The following JAK1 variants were observed in gnomAD, a reference collection of about 807,000 sequenced individuals.
The protein encoded by JAK1 is Janus kinase 1.
Under a neutral mutation model 136.6 loss-of-function variants are expected in JAK1, and 16 were observed. The ratio of observed to expected loss-of-function variants is 0.12; its 90% CI spans 0.08 to 0.18. The LOEUF (loss-of-function observed/expected upper bound fraction) is 0.18, where lower values mean the gene tolerates loss of function less well. Among genes scored for constraint, JAK1 ranks in the 10% least tolerant of loss-of-function variants. JAK1 has a pLI of 1.00. For synonymous variants in JAK1, 492 were observed against 519.5 expected (o/e 0.95, Z 0.72); for missense variants, 859 against 1,450.1 (o/e 0.59, Z 6.62).
chr1:65,007,606 G>A (rs756589552), intron 2 of JAK1, among the ~76,000 whole-genome samples: 9 of 152,006 alleles, frequency 5.9e-5, no homozygotes, highest in African/African-American at 1.7e-4. Context: ...GACTACAGGC[G>A]CATGCCACCA....
intron 2 of JAK1, among the ~76,000 whole-genome samples, chr1:64,996,958 A>C (rs1646709366): frequency 6.6e-6 from 1 of 152,236 alleles, no homozygotes; most frequent in South Asian, 2.1e-4. Context: ...TAGAGGAAAT[A>C]TGTATATTTC....
intron 2 of JAK1, chr1:64,991,154 C>A (rs1646653606): frequency 1.3e-5 from 2 of 152,002 alleles, no homozygotes; most frequent in Admixed American, 1.3e-4. Context: ...TGAAAAGGAA[C>A]CAAACAGAAG....
intron 1 of JAK1, among the ~76,000 whole-genome samples, chr1:64,898,073 A>C (rs540062022): frequency 6.6e-6 from 1 of 152,318 alleles, no homozygotes; most frequent in Non-Finnish European, 1.5e-5. Flanking sequence ...CACACATACA[A>C]AAAGGAAACT....
intron 11 of JAK1, 100 bp from the exon 12 acceptor site, chr1:64,851,010 C>T (rs900976939): frequency 2.2e-5 from 17 of 762,246 alleles, no homozygotes; most frequent in Middle Eastern, 4.7e-4. Flanking sequence ...GGTGTGCGGG[C>T]GCTTGCTGCT....
intron 1 of JAK1, chr1:65,067,527 AC>A (rs1445479662): frequency 7.0e-6 from 1 of 142,720 alleles, no homozygotes; most frequent in African/African-American, 2.6e-5. Context: ...CGCACGCCCC[AC>A]GCAGCCCGCC....
At chr1:64,913,770 C>T (rs1286526729) in intron 1 of JAK1, among the ~76,000 whole-genome samples, 1 of 150,268 alleles carries the variant, frequency 6.7e-6, no homozygotes, top group Admixed American at 6.6e-5. Context: ...CAAAAATAAT[C>T]TTCTAACTCC....
intron 2 of JAK1, among the ~76,000 whole-genome samples, chr1:65,014,635 A>G (rs573731092): frequency 1.3e-5 from 2 of 152,218 alleles, no homozygotes; most frequent in South Asian, 4.1e-4. Flanking sequence ...TGACAATACA[A>G]TAACACACTC....
intron 6 of JAK1, among the ~76,000 whole-genome samples, chr1:64,867,986 G>A (rs1279337958): frequency 6.6e-6 from 1 of 151,610 alleles, no homozygotes; most frequent in East Asian, 1.9e-4. Context: ...GCAAAACTCC[G>A]TCCCCCCAAG....
At chr1:64,981,730 A>G (rs1006813751) in intron 2 of JAK1, among the ~76,000 whole-genome samples, 4 of 152,168 alleles carry the variant, frequency 2.6e-5, no homozygotes, top group Non-Finnish European at 5.9e-5. Context: ...TTCATTCTCA[A>G]AATCACCTTT....
chr1:64,994,303 T>C (rs1231204492), intron 2 of JAK1, among the ~76,000 whole-genome samples: 1 of 152,212 alleles, frequency 6.6e-6, no homozygotes, highest in Non-Finnish European at 1.5e-5. Context: ...TTGAGAGTAG[T>C]GGCAATGTTG....
At chr1:65,063,828 GA>G (rs1335014496) in intron 1 of JAK1, among the ~76,000 whole-genome samples, 2 of 143,194 alleles carry the variant, frequency 1.4e-5, no homozygotes, top group African/African-American at 2.6e-5. Context: ...AAAAAAGAAA[GA>G]AAAAAAGAAA....
At chr1:65,013,868 T>C (rs978166570) in intron 2 of JAK1, among the ~76,000 whole-genome samples, 1 of 152,190 alleles carries the variant, frequency 6.6e-6, no homozygotes, top group Non-Finnish European at 1.5e-5. Context: ...CAGACACAGA[T>C]TATAAAATTA....
intron 1 of JAK1, among the ~76,000 whole-genome samples, chr1:64,924,930 T>C (rs147017426): frequency 2.6e-5 from 4 of 152,298 alleles, no homozygotes; most frequent in Non-Finnish European, 5.9e-5. Flanking sequence ...CATCATACAT[T>C]TGTCCAAACC....
At chr1:64,979,152 T>C (rs1646521852) in intron 2 of JAK1, among the ~76,000 whole-genome samples, 2 of 152,172 alleles carry the variant, frequency 1.3e-5, no homozygotes, top group Admixed American at 1.3e-4. Flanking sequence ...TCCCAGCACT[T>C]TGGGAGGCCA....
At chr1:64,874,445 T>A (rs1156733403) in intron 4 of JAK1, among the ~76,000 whole-genome samples, 2 of 152,272 alleles carry the variant, frequency 1.3e-5, no homozygotes, top group Middle Eastern at 3.4e-3. Flanking sequence ...GTTTATGTTA[T>A]TGGTAAGGCT....
chr1:65,019,980 C>T (rs1646923788), intron 2 of JAK1, among the ~76,000 whole-genome samples: 1 of 151,690 alleles, frequency 6.6e-6, no homozygotes, highest in Admixed American at 6.6e-5. Flanking sequence ...AATCAAAGCA[C>T]TTTGGGAGGC....
chr1:64,907,860 A>G (rs1645217136), intron 1 of JAK1, among the ~76,000 whole-genome samples: 1 of 152,198 alleles, frequency 6.6e-6, no homozygotes, highest in Admixed American at 6.5e-5. Flanking sequence ...ATGGACTACT[A>G]AAAAGCAAAG....
intron 1 of JAK1, among the ~76,000 whole-genome samples, chr1:64,938,022 G>A (rs1448254145): frequency 6.6e-6 from 1 of 151,796 alleles, no homozygotes; most frequent in Admixed American, 6.6e-5. Flanking sequence ...TATGACTACA[G>A]GTGCCCGCCA....
At chr1:64,988,158 T>A (rs948501175) in intron 2 of JAK1, among the ~76,000 whole-genome samples, 1 of 152,194 alleles carries the variant, frequency 6.6e-6, no homozygotes, top group Non-Finnish European at 1.5e-5. Flanking sequence ...ATTTACACCA[T>A]GGAAACTGGC....
Sources: allele counts gnomAD v4.1 joint callset (sites outside exome capture counted in the v4.1 genomes callset), GRCh38; gene constraint gnomAD v4.1.1; transcripts MANE v1.5; gene names NCBI Gene and HGNC (gene_info 2026-07-23, HGNC 2026-07-21).